The following CPEB3 variants were observed in gnomAD, a reference collection of about 807,000 sequenced individuals.
The protein encoded by CPEB3 is cytoplasmic polyadenylation element binding protein 3.
CPEB3 carries 20 observed loss-of-function variants against 67.2 expected under a neutral mutation model. The observed-to-expected ratio is 0.30, with a 90% CI of 0.21 to 0.43. The LOEUF is 0.43. Among genes scored for constraint, CPEB3 ranks in the 20% least tolerant of loss-of-function variants. The pLI, the probability that CPEB3 is intolerant of heterozygous loss-of-function variation, is 1.00. For synonymous variants in CPEB3, 376 were observed against 393.1 expected (o/e 0.96, Z 0.51); for missense variants, 746 against 968.6 (o/e 0.77, Z 3.05).
chr10:92,110,211 T>C (rs1844664388), intron 7 of CPEB3, among the ~76,000 whole-genome samples: 1 of 152,212 alleles, frequency 6.6e-6, no homozygotes, highest in Non-Finnish European at 1.5e-5. Context: ...GGCCCTACAT[T>C]TCCAGTGCTA....
At chr10:92,226,491 C>T (rs1213882512) in intron 2 of CPEB3, among the ~76,000 whole-genome samples, 1 of 152,118 alleles carries the variant, frequency 6.6e-6, no homozygotes, top group Non-Finnish European at 1.5e-5. Context: ...CCAATAAATG[C>T]CTAATCAGTC....
intron 1 of CPEB3, among the ~76,000 whole-genome samples, chr10:92,257,751 T>C (rs1852583622): frequency 7.1e-6 from 1 of 140,546 alleles, no homozygotes. Context: ...TTTTTTGAGA[T>C]GGAGTTTCAC....
intron 1 of CPEB3, among the ~76,000 whole-genome samples, chr10:92,281,577 C>T (rs1014652569): frequency 1.3e-5 from 2 of 152,106 alleles, no homozygotes; most frequent in Non-Finnish European, 2.9e-5. Context: ...AAATAGTGTG[C>T]CACAAAAAAG....
chr10:92,137,216 C>T, intron 6 of CPEB3: 2 of 498,036 alleles, frequency 4.0e-6, no homozygotes, highest in Non-Finnish European at 3.7e-6. Context: ...GTGGTCATGA[C>T]ACTAGGAGAC....
intron 7 of CPEB3, among the ~76,000 whole-genome samples, chr10:92,107,154 A>C (rs1012995669): frequency 1.3e-5 from 2 of 152,190 alleles, no homozygotes; most frequent in Non-Finnish European, 2.9e-5. Context: ...ATTGGCCTTT[A>C]TTTCCAGATT....
intron 4 of CPEB3, among the ~76,000 whole-genome samples, chr10:92,159,560 T>C (rs1212294215): frequency 6.6e-6 from 1 of 151,252 alleles, no homozygotes; most frequent in Non-Finnish European, 1.5e-5. Flanking sequence ...TAGTCCCAGC[T>C]ACTCAGGAAA....
At chr10:92,242,241 C>A (rs546413447) in intron 1 of CPEB3, among the ~76,000 whole-genome samples, 1 of 152,232 alleles carries the variant, frequency 6.6e-6, no homozygotes, top group Admixed American at 6.5e-5. Context: ...CCTGCCTTTC[C>A]TCCCTTCAAC....
intron 7 of CPEB3, among the ~76,000 whole-genome samples, chr10:92,101,749 A>G (rs1394406919): frequency 6.6e-6 from 1 of 152,086 alleles, no homozygotes; most frequent in African/African-American, 2.4e-5. Context: ...CTCTACTAAA[A>G]ATACAAAAAT....
intron 1 of CPEB3, among the ~76,000 whole-genome samples, chr10:92,289,730 AAAAT>A (rs1385422956): frequency 4.4e-5 from 5 of 114,322 alleles, no homozygotes; most frequent in Admixed American, 9.5e-5. Flanking sequence ...AAAAAAAAAA[AAAAT>A]ATATATATAT....
At chr10:92,189,387 C>G (rs978402513) in intron 3 of CPEB3, among the ~76,000 whole-genome samples, 20 of 152,184 alleles carry the variant, frequency 1.3e-4, no homozygotes, top group Non-Finnish European at 1.5e-5. Flanking sequence ...TACCATACTA[C>G]TTCCAGCAAA....
chr10:92,209,466 A>T (rs951062882), intron 2 of CPEB3, among the ~76,000 whole-genome samples: 4 of 152,190 alleles, frequency 2.6e-5, no homozygotes, highest in Non-Finnish European at 2.9e-5. Flanking sequence ...GAGAGGTTGC[A>T]GTGAGCCAAG....
intron 2 of CPEB3, among the ~76,000 whole-genome samples, chr10:92,223,567 CTTT>C (rs903904452): frequency 3.6e-5 from 3 of 84,198 alleles, no homozygotes; most frequent in African/African-American, 8.1e-5. Context: ...CTAATTATTT[CTTT>C]TTTTTTTTTT....
intron 1 of CPEB3, among the ~76,000 whole-genome samples, chr10:92,289,484 G>A (rs1355491502): frequency 1.3e-5 from 2 of 151,828 alleles, no homozygotes; most frequent in Non-Finnish European, 2.9e-5. Context: ...GGAGCTTGCA[G>A]TGAGTCAAGA....
intron 2 of CPEB3, among the ~76,000 whole-genome samples, chr10:92,218,562 C>T (rs2134420646): frequency 6.6e-6 from 1 of 152,212 alleles, no homozygotes; most frequent in South Asian, 2.1e-4. Flanking sequence ...ATGTGTATGC[C>T]TAGGTATATA....
intron 4 of CPEB3, among the ~76,000 whole-genome samples, chr10:92,150,332 T>C (rs186234722): frequency 3.3e-5 from 5 of 152,008 alleles, no homozygotes; most frequent in African/African-American, 1.2e-4. Context: ...GCTCTAGTGA[T>C]CTTCCTGCCT....
At position 92,271,898 on chromosome 10, in the gene CPEB3, A is replaced by G. The variant is rs182154496; in HGVS notation, c.-12+19028T>C. Among the ~76,000 whole-genome samples the G allele has an allele frequency of 9.7e-4, 147 of 152,298 alleles. 2 individuals carry two copies. Among genetic ancestry groups the G allele is most frequent in the Admixed American group, 9.5e-3 (145 of 15,278 alleles). ...TTGCAAATGGTGATTTCGTATTTTT[A>G]TCAACCCTTCTACCTTAATTGGAAT... On this transcript the variant is annotated intron_variant, in intron 1 of 9. Coordinates refer to ENST00000265997, the MANE Select transcript of CPEB3 (RefSeq NM_014912.5).
intron 1 of CPEB3, among the ~76,000 whole-genome samples, chr10:92,250,245 A>C (rs1033850056): frequency 6.6e-6 from 1 of 150,660 alleles, no homozygotes; most frequent in Non-Finnish European, 1.5e-5. Flanking sequence ...ACTCCACCAC[A>C]CCCGGCTAAT....
intron 4 of CPEB3, among the ~76,000 whole-genome samples, chr10:92,180,227 A>G (rs1437225011): frequency 6.6e-6 from 1 of 152,196 alleles, no homozygotes; most frequent in African/African-American, 2.4e-5. Flanking sequence ...GAACTTGATC[A>G]AACAATTATA....
chr10:92,112,126 CTTTTTTT>C (rs201432910), intron 6 of CPEB3, among the ~76,000 whole-genome samples: 2 of 122,032 alleles, frequency 1.6e-5, no homozygotes, highest in Admixed American at 8.9e-5. Flanking sequence ...GACCACGTTC[CTTTTTTT>C]TTTTTTTTTT....
Sources: gnomAD v4.1 joint callset for allele counts (sites outside exome capture counted in the v4.1 genomes callset) on GRCh38, gnomAD v4.1.1 for gene constraint, MANE v1.5 for transcripts, NCBI Gene and HGNC (gene_info 2026-07-23, HGNC 2026-07-21) for gene names.